TSPAN1: variants seen among roughly 807,000 people sequenced by gnomAD.
The protein encoded by TSPAN1 is tetraspanin 1, also known as tetraspanin-1.
Under a neutral mutation model 26.9 loss-of-function variants are expected in TSPAN1, and 23 were observed. The observed-to-expected ratio is 0.85, with a 90% confidence interval of 0.62 to 1.21. TSPAN1 has a LOEUF of 1.21. Among genes scored for constraint, TSPAN1 ranks in the 50% most tolerant of loss-of-function variants. The pLI is 0.00. For synonymous variants in TSPAN1, 115 were observed against 114.8 expected (o/e 1.00, Z -0.01); for missense variants, 283 against 298.4 (o/e 0.95, Z 0.38).
the TSPAN1 span, chr1:46,194,170 C>A: frequency 6.2e-7 from 1 of 1,600,284 alleles, no homozygotes; most frequent in Non-Finnish European, 8.5e-7. Flanking sequence ...GCCCCTGGTT[C>A]TCTCCCAGGC....
downstream of TSPAN1, chr1:46,190,880 G>T: frequency 8.5e-7 from 1 of 1,169,918 alleles, no homozygotes; most frequent in Non-Finnish European, 1.3e-6. Context: ...CACAAATGAA[G>T]TCCTAGACCT....
the TSPAN1 span, chr1:46,196,221 G>A: frequency 4.5e-5 from 68 of 1,502,928 alleles, 1 homozygote; most frequent in South Asian, 7.5e-4. This position sits in a 1 kb window ranked among gnomAD's most constrained non-coding sequence, Gnocchi z 4.4. Flanking sequence ...AACTCAGCTC[G>A]AAGGCCACCT....
chr1:46,190,526 G>A (rs368345562), downstream of TSPAN1: 53 of 1,602,424 alleles, frequency 3.3e-5, no homozygotes, highest in South Asian at 5.5e-4. Flanking sequence ...GACTGAAGAG[G>A]AGGGAGAAAT....
At chr1:46,184,089 T>C (rs909655607) in intron 3 of TSPAN1, 102 bp from the exon 4 acceptor site, 2 of 1,282,258 alleles carry the variant, frequency 1.6e-6, no homozygotes, top group African/African-American at 1.5e-5. Flanking sequence ...CCCTAGCCAA[T>C]AAAGAGGGAA....
chr1:46,181,069 A>C (rs1657304890), intron 2 of TSPAN1, 31 bp from the exon 3 acceptor site: 10 of 1,607,460 alleles, frequency 6.2e-6, no homozygotes, highest in Non-Finnish European at 8.5e-6. Context: ...AGGGGAAACA[A>C]GGCCCTAACT....
chr1:46,185,208 C>G lies in TSPAN1; in HGVS notation c.595-17C>G, dbSNP rs773431549. On this transcript the variant is annotated splice_polypyrimidine_tract_variant and intron_variant, in intron 7 of 8. Transcript: ENST00000372003. ...AGGGCAGCTGCCAACTATAAATGCT[C>G]TTTTCTCTTCCTGAAGGGTTGCTTC... The G allele has an allele frequency of 1.9e-6, 3 of 1,614,154 alleles. No individual in the cohort carries two copies. The highest frequency in any genetic ancestry group is 2.5e-6 in the Non-Finnish European group (3 of 1,180,032).
intron 3 of TSPAN1, 27 bp from the exon 4 acceptor site, chr1:46,184,164 A>G (rs1657371845): frequency 6.2e-7 from 1 of 1,613,572 alleles, no homozygotes; most frequent in Non-Finnish European, 8.5e-7. Flanking sequence ...GCACTGTTTA[A>G]GGCCTGCCTG....
In TSPAN1 at chr1:46,181,084, C is replaced by G. The variant is rs1433620892; in HGVS notation, c.-8-16C>G. The G allele has an allele frequency of 6.2e-7, 1 of 1,613,174 alleles. No homozygotes were observed. Among genetic ancestry groups the G allele is most frequent in the African/African-American group, 1.3e-5 (1 of 74,880 alleles). The stretch of plus-strand genomic sequence containing the variant: ...AGGGGAAACAAGGCCCTAACTTGCA[C>G]ATGTCTACCTCCCAGGAGCCACCAT... On this transcript the variant is annotated splice_polypyrimidine_tract_variant and intron_variant, in intron 2 of 8. Coordinates refer to ENST00000372003, the MANE Select transcript of TSPAN1 (RefSeq NM_005727.4).
Position 46,184,839 on chromosome 1 carries a change from T to G in TSPAN1, c.394T>G (p.Ser132Ala). The change falls in exon 6 of 9, where the codon TCC becomes GCC. Residue 132 changes from serine to alanine, a missense_variant. Ser to Ala is a moderately conservative substitution (Grantham distance 99, BLOSUM62 1). Transcript: ENST00000372003. ...GCCTGCCATCAAGAAAGATTATGGT[T>G]CCCAGGAAGACTTCACTCAAGTGTG... ...VVPAIKKDYG[S>A]QEDFTQVWNT... is the part of the protein sequence containing the mutation. The G allele has an allele frequency of 6.2e-7, 1 of 1,614,174 alleles. No homozygotes were observed. Among genetic ancestry groups the G allele is most frequent in the African/African-American group, 1.3e-5 (1 of 75,018 alleles).
intron 4 of TSPAN1, 89 bp from the exon 5 acceptor site, chr1:46,184,505 C>G: frequency 3.1e-6 from 5 of 1,603,926 alleles, no homozygotes; most frequent in Non-Finnish European, 4.3e-6. Flanking sequence ...GCTCAGGCTT[C>G]TGTCTCACTT....
At chr1:46,179,931 AAGTG>A (rs1657273513) in intron 1 of TSPAN1, among the ~76,000 whole-genome samples, 1 of 141,424 alleles carries the variant, frequency 7.1e-6, no homozygotes, top group Admixed American at 6.8e-5. Flanking sequence ...ATTTCCTTGA[AAGTG>A]AGTGAGAGAC....
downstream of TSPAN1, among the ~76,000 whole-genome samples, chr1:46,187,028 G>A (rs191953765): frequency 6.6e-6 from 1 of 152,034 alleles, no homozygotes; most frequent in Admixed American, 6.5e-5. Context: ...GGCTGGTCTC[G>A]AACTCCTGAC....
At chr1:46,175,870 T>G in intron 1 of TSPAN1, 1 of 404,240 alleles carries the variant, frequency 2.5e-6, no homozygotes, top group Non-Finnish European at 4.3e-6. Flanking sequence ...TCACTGGCTC[T>G]GGTTTTTTTT....
chr1:46,194,669 T>C, the TSPAN1 span: 1 of 1,614,270 alleles, frequency 6.2e-7, no homozygotes, highest in Admixed American at 1.7e-5. Flanking sequence ...GAGGCAGGAA[T>C]GAGGGCCATG....
At chr1:46,176,083 G>GC in intron 1 of TSPAN1, 1 of 866,302 alleles carries the variant, frequency 1.2e-6, no homozygotes, top group South Asian at 1.7e-5. Flanking sequence ...CACCGTGTTA[G>GC]CCAGGATGGT....
intron 1 of TSPAN1, among the ~76,000 whole-genome samples, chr1:46,179,724 T>C (rs1657266115): frequency 6.6e-6 from 1 of 151,898 alleles, no homozygotes; most frequent in Non-Finnish European, 1.5e-5. Context: ...TGGTGCCACC[T>C]ACTGGCAGAA....
Position 46,184,360 on chromosome 1 carries a change from A to G in TSPAN1, c.227A>G (p.Tyr76Cys), listed in dbSNP as rs991797270. The G allele has an allele frequency of 1.2e-6, 2 of 1,613,912 alleles. No homozygotes were observed. Among genetic ancestry groups the G allele is most frequent in the African/African-American group, 1.3e-5 (1 of 74,856 alleles). The change falls in exon 4 of 9, where the codon TAT becomes TGT. Residue 76 changes from tyrosine to cysteine, a missense_variant. Coordinates refer to ENST00000372003, the MANE Select transcript of TSPAN1 (RefSeq NM_005727.4). Reference sequence around the variant, plus strand: ...TTTGCTCTTGGTTTCCTGGGCTGCTATGGTGCTAAGACTGAGAGCAAGTGT... The same window carrying G: ...TTTGCTCTTGGTTTCCTGGGCTGCTGTGGTGCTAAGACTGAGAGCAAGTGT... ...VVFALGFLGCYGAKTESKCAL... is the reference protein window; with the variant it reads ...VVFALGFLGCCGAKTESKCAL...
At chr1:46,188,699 T>C (rs758256074), downstream of TSPAN1, 40 of 1,596,822 alleles carry the variant, frequency 2.5e-5, no homozygotes, top group Middle Eastern at 7.1e-4. Flanking sequence ...GGGCTTCTCC[T>C]TTTTTAATCA....
chr1:46,177,424 C>A (rs1657206788), intron 1 of TSPAN1, among the ~76,000 whole-genome samples: 1 of 151,990 alleles, frequency 6.6e-6, no homozygotes, highest in Non-Finnish European at 1.5e-5. Flanking sequence ...AACTCACAGC[C>A]AACAGCATTA....
Sources: allele counts gnomAD v4.1 joint callset (sites outside exome capture counted in the v4.1 genomes callset), GRCh38; gene constraint gnomAD v4.1.1; non-coding constraint Gnocchi (gnomAD v3.1); transcripts MANE v1.5; gene names NCBI Gene and HGNC (gene_info 2026-07-23, HGNC 2026-07-21).